The following KRTAP9-3 variants were observed in gnomAD, a reference collection of about 807,000 sequenced individuals.
KRTAP9-3 encodes the protein keratin-associated protein 9-3.
KRTAP9-3 carries 12 observed loss-of-function variants against 13.0 expected under a neutral mutation model. The ratio of observed to expected loss-of-function variants is 0.93; its 90% confidence interval spans 0.59 to 1.50. KRTAP9-3 has a LOEUF of 1.50. Among genes scored for constraint, KRTAP9-3 ranks in the 40% most tolerant of loss-of-function variants. The pLI is 0.00. For synonymous variants in KRTAP9-3, 89 were observed against 68.7 expected (o/e 1.29, Z -1.46); for missense variants, 232 against 195.2 (o/e 1.19, Z -1.12).
In KRTAP9-3 at chr17:41,232,992, A is replaced by G. The variant is rs1380536179; in HGVS notation, c.*11A>G. The G allele has an allele frequency of 6.2e-7, 1 of 1,608,266 alleles. No homozygotes were observed. ...CCTTCTTGCTGCTAATCAACTCCCA[A>G]GAGAACTACCATCCTCACACAACAA... On this transcript the variant is annotated 3_prime_UTR_variant, in exon 1 of 1. Transcript: ENST00000411528.
In KRTAP9-3 at chr17:41,232,480, C is replaced by T. The variant is rs1444538480; in HGVS notation, c.-22C>T. 3 of 1,602,890 alleles carry T rather than the reference C, an allele frequency of 1.9e-6. No individual in the cohort carries two copies. The highest frequency in any genetic ancestry group is 2.2e-5 in the East Asian group (1 of 44,840). Reference sequence around the variant, plus strand: ...TGGGAAACTCACCTCTTAACAGAAGCCCACCCTCCATCCCTGACACCATGA... The same window carrying T: ...TGGGAAACTCACCTCTTAACAGAAGTCCACCCTCCATCCCTGACACCATGA... On this transcript the variant is annotated 5_prime_UTR_variant, in exon 1 of 1. Transcript: ENST00000411528.
In KRTAP9-3 at chr17:41,232,678, C is replaced by T; in HGVS notation, c.177C>T (p.Thr59=). 6.2e-7 allele frequency: 1 copy of T among 1,608,384 alleles called. No individual in the cohort carries two copies. The highest frequency in any genetic ancestry group is 8.5e-7 in the Non-Finnish European group (1 of 1,179,958). Residue 59 remains threonine, a synonymous_variant, in exon 1 of 1, where the codon ACC becomes ACT. Transcript: ENST00000411528. ...PTCCQNTCCR[T]TCCQPICVTS... ...GCTGTCAAAACACCTGCTGTAGGAC[C>T]ACCTGCTGCCAGCCCATCTGTGTGA...
chr17:41,233,352 G>A lies in KRTAP9-3; in HGVS notation c.*371G>A. The A allele has an allele frequency of 3.0e-6, 1 of 334,708 alleles. No homozygotes were observed. The highest frequency in any genetic ancestry group is 5.6e-6 in the Non-Finnish European group (1 of 177,994). 20.7% of individuals were successfully genotyped at this position (334,708 alleles called of 1,614,324 possible). A position where few individuals can be genotyped will look rare whatever the true frequency, so the allele number is the denominator to read the frequency against. On this transcript the variant is annotated 3_prime_UTR_variant, in exon 1 of 1. Coordinates refer to ENST00000411528, the MANE Select transcript of KRTAP9-3 (RefSeq NM_031962.3). The stretch of plus-strand genomic sequence containing the variant: ...TTTAAATATCCTTCTCATGGTTCTT[G>A]TATCCTTCTTTCTTCTTTTCACGAT...
Position 41,232,604 on chromosome 17 carries a change from C to A in KRTAP9-3, c.103C>A (p.Pro35Thr), listed in dbSNP as rs768425782. 4.4e-6 allele frequency: 7 copies of A among 1,602,940 alleles called. 2 individuals are homozygous for A. The African/African-American group carries it at 1.0e-4, about 23-fold the overall frequency. Residue 35 changes from proline to threonine, a missense_variant, in exon 1 of 1, where the codon CCC (proline) becomes ACC (threonine). By Grantham distance (38) the Pro-to-Thr change is conservative (BLOSUM62 -1). Coordinates refer to ENST00000411528, the MANE Select transcript of KRTAP9-3 (RefSeq NM_031962.3). ...CTGCAGCAGCACACCCTGCTGTCAG[C>A]CCTCCTGCTGTGTTTCCAGCTGCTG... ...TTCSSTPCCQ[P>T]SCCVSSCCQP...
At position 41,233,010 on chromosome 17, in the gene KRTAP9-3, C is replaced by T. The variant is rs1393505024; in HGVS notation, c.*29C>T. On this transcript the variant is annotated 3_prime_UTR_variant, in exon 1 of 1. Transcript: ENST00000411528. ...ACTCCCAAGAGAACTACCATCCTCA[C>T]ACAACAACCTTCAGCTCAACTGACT... 11 of 1,606,306 alleles carry T rather than the reference C, an allele frequency of 6.8e-6. No homozygotes were observed. The highest frequency in any genetic ancestry group is 1.4e-5 in the African/African-American group (1 of 69,964).
rs540460002 is a variant in KRTAP9-3 at position 41,232,835 on chromosome 17, T to C, written c.334T>C (p.Cys112Arg). The change falls in exon 1 of 1, where the codon TGT becomes CGT. Residue 112 changes from cysteine to arginine, a missense_variant. Cys to Arg is a radical substitution (Grantham distance 180, BLOSUM62 -3). Coordinates refer to ENST00000411528, the MANE Select transcript of KRTAP9-3 (RefSeq NM_031962.3). ...AACCTGCTACCACCCCACAAGTGTTTGTCTGCCTGGTTGCCTAAACCAGAG... is the reference window on the plus strand; with the variant it reads ...AACCTGCTACCACCCCACAAGTGTTCGTCTGCCTGGTTGCCTAAACCAGAG... ...RRTCYHPTSV[C>R]LPGCLNQSCG... is the part of the protein sequence containing the mutation. 5.3e-5 allele frequency: 86 copies of C among 1,608,116 alleles called. No homozygotes were observed. The highest frequency in any genetic ancestry group is 1.0e-4 in the Admixed American group (6 of 59,950).
chr17:41,233,114 T>C lies in KRTAP9-3; in HGVS notation c.*133T>C, dbSNP rs1306240908. The C allele has an allele frequency of 3.5e-6, 5 of 1,439,404 alleles. No homozygotes were observed. Among genetic ancestry groups the C allele is most frequent in the Non-Finnish European group, 4.7e-6 (5 of 1,063,554 alleles). The allele number at this position is 1,439,404 out of a possible 1,614,324, so 89.2% of individuals were successfully genotyped here. On this transcript the variant is annotated 3_prime_UTR_variant, in exon 1 of 1. Transcript: ENST00000411528. Reference sequence around the variant, plus strand: ...CAAATTTTTATGAATTCTCTACATGTTTAAAATCTTGGGAATCTGCTTGAG... The same window carrying C: ...CAAATTTTTATGAATTCTCTACATGCTTAAAATCTTGGGAATCTGCTTGAG...
rs538146558 is a variant in KRTAP9-3, at chr17:41,232,773, G to A, written c.272G>A (p.Gly91Asp). 1.9e-5 allele frequency: 31 copies of A among 1,607,768 alleles called. No individual in the cohort carries two copies. Among genetic ancestry groups the A allele is most frequent in the Non-Finnish European group, 2.4e-5 (28 of 1,179,942 alleles). ...CCCACATGCTGTGGGTCCAGCTGTG[G>A]TCAGAGCAGCTCCTGTGCACCTGTG... Reference protein sequence around the residue: ...CQPTCCGSSCGQSSSCAPVYC... With the variant: ...CQPTCCGSSCDQSSSCAPVYC... Residue 91 changes from glycine to aspartate, a missense_variant, in exon 1 of 1, where the codon GGT becomes GAT. Physicochemically the swap from Gly to Asp is moderately conservative, Grantham distance 94 (BLOSUM62 -1). Coordinates refer to ENST00000411528, the MANE Select transcript of KRTAP9-3 (RefSeq NM_031962.3).
Position 41,232,511 on chromosome 17 carries a change from T to G in KRTAP9-3, c.10T>G (p.Cys4Gly). 1 of 1,606,048 alleles carries G rather than the reference T, an allele frequency of 6.2e-7. No homozygotes were observed. The highest frequency in any genetic ancestry group is 1.1e-5 in the South Asian group (1 of 90,974). Reference protein sequence around the residue: MTHCCSPCCQPTCC... With the variant: MTHGCSPCCQPTCC... ...CTCCATCCCTGACACCATGACCCAC[T>G]GTTGCTCCCCTTGCTGTCAGCCTAC... The change falls in exon 1 of 1, where the codon TGT becomes GGT. Residue 4 changes from cysteine to glycine, a missense_variant. Cys to Gly is a radical substitution (Grantham distance 159, BLOSUM62 -3). Transcript: ENST00000411528.
In KRTAP9-3 at chr17:41,232,944, C is replaced by T. The variant is rs1399931179; in HGVS notation, c.443C>T (p.Thr148Ile). ...TCCRTTCFQP[T>I]CVYSCCQPSC... is the part of the protein sequence containing the mutation. ...TGCAGGACCACTTGTTTCCAGCCCA[C>T]CTGTGTGTACAGCTGCTGCCAGCCT... Residue 148 changes from threonine to isoleucine, a missense_variant, in exon 1 of 1, where the codon ACC (threonine) becomes ATC (isoleucine). Coordinates refer to ENST00000411528, the MANE Select transcript of KRTAP9-3 (RefSeq NM_031962.3). 1.2e-6 allele frequency: 2 copies of T among 1,607,820 alleles called. No individual in the cohort carries two copies. The highest frequency in any genetic ancestry group is 1.7e-6 in the Non-Finnish European group (2 of 1,179,720).
Position 41,232,675 on chromosome 17 carries a change from G to A in KRTAP9-3, c.174G>A (p.Arg58=), listed in dbSNP as rs1247432302. The A allele has an allele frequency of 3.7e-6, 6 of 1,608,194 alleles. No homozygotes were observed. The highest frequency in any genetic ancestry group is 5.1e-6 in the Non-Finnish European group (6 of 1,179,906). The part of the protein sequence containing the change: ...HPTCCQNTCC[R]TTCCQPICVT... ...CTTGCTGTCAAAACACCTGCTGTAG[G>A]ACCACCTGCTGCCAGCCCATCTGTG... The change falls in exon 1 of 1, where the codon AGG becomes AGA. Residue 58 remains arginine (R), a synonymous_variant. Coordinates refer to ENST00000411528, the MANE Select transcript of KRTAP9-3 (RefSeq NM_031962.3).
At position 41,232,722 on chromosome 17, in the gene KRTAP9-3, C is replaced by T. The variant is rs760885095; in HGVS notation, c.221C>T (p.Ser74Phe). 6.2e-7 allele frequency: 1 copy of T among 1,608,594 alleles called. No homozygotes were observed. The highest frequency in any genetic ancestry group is 8.5e-7 in the Non-Finnish European group (1 of 1,179,952). ...PICVTSCCQP[S>F]CCSTPCCQPT... ...TGTGTGACCAGCTGCTGCCAGCCTT[C>T]CTGCTGTAGCACACCCTGCTGCCAG... Residue 74 changes from serine to phenylalanine, a missense_variant, in exon 1 of 1, where the codon TCC becomes TTC. By Grantham distance (155) the Ser-to-Phe change is radical. Coordinates refer to ENST00000411528, the MANE Select transcript of KRTAP9-3 (RefSeq NM_031962.3).
In KRTAP9-3 at chr17:41,233,012, C is replaced by T; in HGVS notation, c.*31C>T. On this transcript the variant is annotated 3_prime_UTR_variant, in exon 1 of 1. Coordinates refer to ENST00000411528, the MANE Select transcript of KRTAP9-3 (RefSeq NM_031962.3). ...TCCCAAGAGAACTACCATCCTCACA[C>T]AACAACCTTCAGCTCAACTGACTTG... 6.2e-7 allele frequency: 1 copy of T among 1,605,326 alleles called. No homozygotes were observed. Among genetic ancestry groups the T allele is most frequent in the Non-Finnish European group, 8.5e-7 (1 of 1,177,472 alleles).
At position 41,232,833 on chromosome 17, in the gene KRTAP9-3, T is replaced by G; in HGVS notation, c.332T>G (p.Val111Gly). 2 of 1,607,852 alleles carry G rather than the reference T, an allele frequency of 1.2e-6. No homozygotes were observed. Among genetic ancestry groups the G allele is most frequent in the Non-Finnish European group, 8.5e-7 (1 of 1,179,952 alleles). Reference protein sequence around the residue: ...CRRTCYHPTSVCLPGCLNQSC... With the variant: ...CRRTCYHPTSGCLPGCLNQSC... ...AGAACCTGCTACCACCCCACAAGTG[T>G]TTGTCTGCCTGGTTGCCTAAACCAG... The change falls in exon 1 of 1, where the codon GTT (valine) becomes GGT (glycine). Residue 111 changes from valine to glycine, a missense_variant. Physicochemically the swap from Val to Gly is moderately radical, Grantham distance 109. Transcript: ENST00000411528.
rs2015894078 is a variant in KRTAP9-3, at chr17:41,233,144, G to A, written c.*163G>A. 1 of 1,182,012 alleles carries A rather than the reference G, an allele frequency of 8.5e-7. No individual in the cohort carries two copies. Among genetic ancestry groups the A allele is most frequent in the Non-Finnish European group, 1.2e-6 (1 of 836,310 alleles). 73.2% of individuals were successfully genotyped at this position (1,182,012 alleles called of 1,614,324 possible). Reference sequence around the variant, plus strand: ...AATCTTGGGAATCTGCTTGAGGGAGGGCAGAATACTTCATCCTCATTCCCT... The same window carrying A: ...AATCTTGGGAATCTGCTTGAGGGAGAGCAGAATACTTCATCCTCATTCCCT... On this transcript the variant is annotated 3_prime_UTR_variant, in exon 1 of 1. Transcript: ENST00000411528.
Position 41,233,333 on chromosome 17 carries a change from T to C in KRTAP9-3, c.*352T>C. 1 of 374,776 alleles carries C rather than the reference T, an allele frequency of 2.7e-6. No individual in the cohort carries two copies. Among genetic ancestry groups the C allele is most frequent in the South Asian group, 4.3e-5 (1 of 23,250 alleles). The allele number at this position is 374,776 out of a possible 1,614,324, so 23.2% of individuals were successfully genotyped here. A position where few individuals can be genotyped will look rare whatever the true frequency, so the allele number is the denominator to read the frequency against. On this transcript the variant is annotated 3_prime_UTR_variant, in exon 1 of 1. Transcript: ENST00000411528. ...TTTGCAATTATATTTTCATTTTAAATATCCTTCTCATGGTTCTTGTATCCT... is the reference window on the plus strand; with the variant it reads ...TTTGCAATTATATTTTCATTTTAAACATCCTTCTCATGGTTCTTGTATCCT...
Position 41,233,279 on chromosome 17 carries a change from A to G in KRTAP9-3, c.*298A>G. 1.9e-6 allele frequency: 1 copy of G among 524,944 alleles called. No homozygotes were observed. The highest frequency in any genetic ancestry group is 3.4e-6 in the Non-Finnish European group (1 of 296,994). The allele number at this position is 524,944 out of a possible 1,614,324, so 32.5% of individuals were successfully genotyped here. On this transcript the variant is annotated 3_prime_UTR_variant, in exon 1 of 1. Coordinates refer to ENST00000411528, the MANE Select transcript of KRTAP9-3 (RefSeq NM_031962.3). ...GAGCTTCATTCTTTGCTTCTAAGGAATTTAGGTTTCTGCAACTGATCAATC... is the reference window on the plus strand; with the variant it reads ...GAGCTTCATTCTTTGCTTCTAAGGAGTTTAGGTTTCTGCAACTGATCAATC...
Position 41,232,469 on chromosome 17 carries a change from CT to C in KRTAP9-3, c.-31del. On this transcript the variant is annotated 5_prime_UTR_variant, in exon 1 of 1. Coordinates refer to ENST00000411528, the MANE Select transcript of KRTAP9-3 (RefSeq NM_031962.3). ...TCATCAGATTTTGGGAAACTCACCTCTTAACAGAAGCCCACCCTCCATCCCT... is the reference window on the plus strand; with the variant it reads ...TCATCAGATTTTGGGAAACTCACCTCTAACAGAAGCCCACCCTCCATCCCT... 1 of 1,600,770 alleles carries C rather than the reference CT, an allele frequency of 6.2e-7. No homozygotes were observed. The highest frequency in any genetic ancestry group is 8.5e-7 in the Non-Finnish European group (1 of 1,176,500).
chr17:41,232,729 T>C lies in KRTAP9-3; in HGVS notation c.228T>C (p.Cys76=), dbSNP rs143261478. Residue 76 remains cysteine, a synonymous_variant, in exon 1 of 1, where the codon TGT becomes TGC. Transcript: ENST00000411528. The stretch of plus-strand genomic sequence containing the variant: ...CCAGCTGCTGCCAGCCTTCCTGCTG[T>C]AGCACACCCTGCTGCCAGCCCACAT... ...CVTSCCQPSC[C]STPCCQPTCC... 432 of 1,602,798 alleles carry C rather than the reference T, an allele frequency of 2.7e-4. 19 individuals carry two copies. Among genetic ancestry groups the C allele is most frequent in the African/African-American group, 1.6e-3 (105 of 66,968 alleles).
Sources: allele counts gnomAD v4.1 joint callset, GRCh38; gene constraint gnomAD v4.1.1; transcripts MANE v1.5; gene names NCBI Gene and HGNC (gene_info 2026-07-23, HGNC 2026-07-21).